Variants in PBX1 observed in about 807,000 individuals in gnomAD.
The protein encoded by PBX1 is pre-B-cell leukemia transcription factor 1.
PBX1 carries 6 observed loss-of-function variants against 53.4 expected under a neutral mutation model. That is an observed-to-expected ratio of 0.11 (90% confidence interval 0.06 to 0.22). The LOEUF (loss-of-function observed/expected upper bound fraction) is 0.22. Among genes scored for constraint, PBX1 ranks in the 10% least tolerant of loss-of-function variants. The pLI, the probability that PBX1 is intolerant of heterozygous loss-of-function variation, is 1.00. For missense variants in PBX1, 251 were observed against 551.4 expected (o/e 0.46, Z 5.46); for synonymous variants, 204 against 212.3 (o/e 0.96, Z 0.34).
chr1:164,872,792 T>C (rs1321705221), intron 2 of PBX1, among the ~76,000 whole-genome samples: 2 of 152,184 alleles, frequency 1.3e-5, no homozygotes. Flanking sequence ...GCTGTTCAGA[T>C]CTAATTGCAA....
chr1:164,630,557 G>C (rs1250119167), intron 2 of PBX1, among the ~76,000 whole-genome samples: 1 of 152,064 alleles, frequency 6.6e-6, no homozygotes, highest in East Asian at 1.9e-4. Context: ...AAGCTAACAT[G>C]CACTAGGTTC....
rs1183402291 is a variant in PBX1, at chr1:164,741,329, T to C, written c.266-51165T>C. On this transcript the variant is annotated intron_variant, in intron 2 of 8. Coordinates refer to ENST00000420696, the MANE Select transcript of PBX1 (RefSeq NM_002585.4). Reference sequence around the variant, plus strand: ...AAATTCCTTTTTCATATGATTCACATGTATGCCTTCATTATTCCAAAGAAT... The same window carrying C: ...AAATTCCTTTTTCATATGATTCACACGTATGCCTTCATTATTCCAAAGAAT... 3.3e-5 allele frequency among the ~76,000 whole-genome samples: 5 copies of C among 152,336 alleles called. No homozygotes were observed. In the South Asian group the frequency reaches 1.0e-3, roughly 32 times the overall value.
intron 2 of PBX1, among the ~76,000 whole-genome samples, chr1:164,863,087 G>A (rs896002434): frequency 6.6e-6 from 1 of 152,028 alleles, no homozygotes; most frequent in African/African-American, 2.4e-5. Flanking sequence ...GCTGAGTGTG[G>A]TAAAAAAAAA....
chr1:164,640,727 T>G (rs1003992952), intron 2 of PBX1, among the ~76,000 whole-genome samples: 2 of 152,002 alleles, frequency 1.3e-5, no homozygotes, highest in Non-Finnish European at 2.9e-5. Context: ...TGGCTGATTT[T>G]TTTGTATTTT....
intron 2 of PBX1, among the ~76,000 whole-genome samples, chr1:164,668,789 G>A (rs1048040278): frequency 6.6e-6 from 1 of 152,196 alleles, no homozygotes; most frequent in African/African-American, 2.4e-5. Flanking sequence ...AGAATGTGCC[G>A]TTTTAATTAA....
At chr1:164,637,024 G>T (rs980673695) in intron 2 of PBX1, among the ~76,000 whole-genome samples, 2 of 152,088 alleles carry the variant, frequency 1.3e-5, no homozygotes, top group African/African-American at 4.8e-5. Flanking sequence ...ACAAAACTCC[G>T]CCAACAGGAG....
At chr1:164,629,295 A>G (rs1658256096) in intron 2 of PBX1, among the ~76,000 whole-genome samples, 2 of 152,208 alleles carry the variant, frequency 1.3e-5, no homozygotes, top group African/African-American at 4.8e-5. Context: ...GGTTGGATGC[A>G]TAGTAAATAC....
chr1:164,583,625 G>A (rs986598051), intron 2 of PBX1, among the ~76,000 whole-genome samples: 8 of 152,200 alleles, frequency 5.3e-5, no homozygotes, highest in Non-Finnish European at 7.3e-5. Context: ...TGAGACATAC[G>A]TGTAAAATGA....
intron 8 of PBX1, among the ~76,000 whole-genome samples, chr1:164,840,079 C>T (rs1671221119): frequency 6.6e-6 from 1 of 152,086 alleles, no homozygotes; most frequent in African/African-American, 2.4e-5. Flanking sequence ...GTCACTTTCT[C>T]GGTCTTTAAG....
In PBX1 at chr1:164,746,537, C is replaced by G. The variant is rs184752837; in HGVS notation, c.266-45957C>G. 2.0e-5 allele frequency among the ~76,000 whole-genome samples: 3 copies of G among 152,016 alleles called. No individual in the cohort carries two copies. In the East Asian group the frequency reaches 5.8e-4, roughly 30 times the overall value. ...GATTACAGGCATGTGCCACCACGCC[C>G]GGCTAAGTTTTGTATTCTTAGTAGA... On this transcript the variant is annotated intron_variant, in intron 2 of 8. Coordinates refer to ENST00000420696, the MANE Select transcript of PBX1 (RefSeq NM_002585.4).
intron 2 of PBX1, among the ~76,000 whole-genome samples, chr1:164,860,383 T>C (rs775524815): frequency 2.6e-5 from 4 of 152,194 alleles, no homozygotes; most frequent in Non-Finnish European, 5.9e-5. Context: ...GTTAAAATGA[T>C]AGATAATGAA....
chr1:164,809,867 G>A (rs1462441695), intron 5 of PBX1, among the ~76,000 whole-genome samples: 1 of 152,166 alleles, frequency 6.6e-6, no homozygotes. Flanking sequence ...ACAGAATGCA[G>A]CATCAGCATC....
intron 2 of PBX1, among the ~76,000 whole-genome samples, chr1:164,668,365 T>G (rs1268752687): frequency 6.6e-6 from 1 of 152,136 alleles, no homozygotes; most frequent in African/African-American, 2.4e-5. Context: ...GGGTCAGACT[T>G]TACTCCTGTA....
At chr1:164,693,098 A>G (rs1324845130) in intron 2 of PBX1, among the ~76,000 whole-genome samples, 1 of 152,200 alleles carries the variant, frequency 6.6e-6, no homozygotes, top group Non-Finnish European at 1.5e-5. Context: ...CTGCAGGAAG[A>G]AAGAGTTGGA....
intron 2 of PBX1, among the ~76,000 whole-genome samples, chr1:164,786,714 T>TGC (rs1483376318): frequency 1.9e-4 from 21 of 113,448 alleles, no homozygotes; most frequent in African/African-American, 7.7e-4. Context: ...TGTGTGTGTG[T>TGC]GTGTGTGCGC....
chr1:164,859,666 T>C (rs1199336433), intron 2 of PBX1, among the ~76,000 whole-genome samples: 1 of 152,190 alleles, frequency 6.6e-6, no homozygotes, highest in East Asian at 1.9e-4. Flanking sequence ...TAGGAAATCA[T>C]GAACATTGAC....
intron 2 of PBX1, among the ~76,000 whole-genome samples, chr1:164,780,821 T>C (rs1028358844): frequency 2.0e-5 from 3 of 152,152 alleles, no homozygotes; most frequent in African/African-American, 7.2e-5. Context: ...CCTTACCCCA[T>C]TCCACTGTCA....
intron 2 of PBX1, among the ~76,000 whole-genome samples, chr1:164,595,297 G>A (rs539552949): frequency 6.6e-6 from 1 of 152,294 alleles, no homozygotes; most frequent in Admixed American, 6.5e-5. Flanking sequence ...AAAAATCCGT[G>A]GAAGCCGTGA....
At chr1:164,885,859 C>T (rs1672764900) in intron 2 of PBX1, among the ~76,000 whole-genome samples, 1 of 152,020 alleles carries the variant, frequency 6.6e-6, no homozygotes, top group African/African-American at 2.4e-5. Flanking sequence ...CCTCTTTCCT[C>T]ATTTTATTAT....
Sources: allele counts gnomAD v4.1 joint callset (sites outside exome capture counted in the v4.1 genomes callset), GRCh38; gene constraint gnomAD v4.1.1; transcripts MANE v1.5; gene names NCBI Gene and HGNC (gene_info 2026-07-23, HGNC 2026-07-21).